Variants in TRIM5 observed in about 807,000 individuals in gnomAD.
The protein encoded by TRIM5 is tripartite motif containing 5, also known as tripartite motif-containing protein 5.
TRIM5 carries 31 observed loss-of-function variants against 35.6 expected under a neutral mutation model. That is an observed-to-expected ratio of 0.87 (90% CI 0.65 to 1.18). The LOEUF is 1.18. Ranked by LOEUF, TRIM5 falls within the 50% of genes most tolerant of loss-of-function variation. The pLI, the probability that TRIM5 is intolerant of heterozygous loss-of-function variation, is 0.00. For synonymous variants in TRIM5, 243 were observed against 215.6 expected (o/e 1.13, Z -1.11); for missense variants, 609 against 591.6 (o/e 1.03, Z -0.31).
At chr11:5,679,200 C>A (rs1204376447) in intron 2 of TRIM5, 31 bp from the exon 3 acceptor site, 3 of 1,594,630 alleles carry the variant, frequency 1.9e-6, no homozygotes, top group Non-Finnish European at 8.6e-7. Flanking sequence ...CATAGTCAAG[C>A]TATGAGGTTT....
chr11:5,642,717 A>G, the TRIM5 span: 1 of 1,526,656 alleles, frequency 6.6e-7, no homozygotes, highest in Non-Finnish European at 8.9e-7. Context: ...TCACAGCTTC[A>G]TGGTATTCCC....
chr11:5,661,483 G>A (rs1339674687), downstream of TRIM5, among the ~76,000 whole-genome samples: 1 of 152,102 alleles, frequency 6.6e-6, no homozygotes, highest in Non-Finnish European at 1.5e-5. Context: ...CTGCAGAACA[G>A]TCTTCAAGCA....
the TRIM5 span, chr11:5,633,891 T>C: frequency 6.2e-7 from 1 of 1,613,952 alleles, no homozygotes; most frequent in Non-Finnish European, 8.5e-7. Flanking sequence ...AGAGAAAACT[T>C]CCTGGAAGGC....
At chr11:5,592,189 T>A in the TRIM5 span, among the ~76,000 whole-genome samples, 86 of 152,338 alleles carry the variant, frequency 5.6e-4, 4 homozygotes, top group South Asian at 0.017. Context: ...TTGACTAGAA[T>A]GTGAATATAT....
chr11:5,636,674 T>G, the TRIM5 span, among the ~76,000 whole-genome samples: 1 of 152,244 alleles, frequency 6.6e-6, no homozygotes, highest in African/African-American at 2.4e-5. Flanking sequence ...TCAGTCAGTC[T>G]TAGTTGCTAT....
chr11:5,661,304 C>T (rs74380040), downstream of TRIM5, among the ~76,000 whole-genome samples: 4,842 of 152,106 alleles, frequency 0.032, 268 homozygotes, highest in African/African-American at 0.11. Context: ...ATCCCTCCAA[C>T]ACATCATATA....
chr11:5,620,284 T>A, the TRIM5 span, among the ~76,000 whole-genome samples: 1 of 142,550 alleles, frequency 7.0e-6, no homozygotes, highest in Non-Finnish European at 1.5e-5. Context: ...TTCTATGGAT[T>A]CTCCTGCCTC....
chr11:5,643,268 A>G, the TRIM5 span: 71 of 1,613,950 alleles, frequency 4.4e-5, no homozygotes, highest in Middle Eastern at 1.2e-3. Flanking sequence ...TGGGATCCCA[A>G]TATTTCTCCT....
intron 3 of TRIM5, among the ~76,000 whole-genome samples, chr11:5,678,642 T>C: frequency 6.6e-6 from 1 of 152,216 alleles, no homozygotes; most frequent in African/African-American, 2.4e-5. Context: ...AGGTTCATCC[T>C]GCATCAAAAT....
the TRIM5 span, chr11:5,604,538 A>T: frequency 2.5e-6 from 4 of 1,610,470 alleles, no homozygotes; most frequent in Non-Finnish European, 1.7e-6. Flanking sequence ...TTCAAGGAGA[A>T]GTTTCAGGAG....
Position 5,665,647 on chromosome 11 carries a change from T to C in TRIM5, c.895+9A>G. On this transcript the variant is annotated intron_variant, in intron 7 of 7. Coordinates refer to ENST00000380034, the MANE Select transcript of TRIM5 (RefSeq NM_033034.3). ...CAGGGTGGCTTATGATAATGTGACTTCTCCTTACCCCAGTAGCGTCGGACA... is the reference window on the plus strand; with the variant it reads ...CAGGGTGGCTTATGATAATGTGACTCCTCCTTACCCCAGTAGCGTCGGACA... 1 of 1,554,650 alleles carries C rather than the reference T, an allele frequency of 6.4e-7. No individual in the cohort carries two copies. Among genetic ancestry groups the C allele is most frequent in the Non-Finnish European group, 8.6e-7 (1 of 1,160,414 alleles).
Sources: allele counts gnomAD v4.1 joint callset (sites outside exome capture counted in the v4.1 genomes callset), GRCh38; gene constraint gnomAD v4.1.1; transcripts MANE v1.5; gene names NCBI Gene and HGNC (gene_info 2026-07-23, HGNC 2026-07-21).